Variants in OCA2 observed in about 807,000 individuals in gnomAD.
OCA2 encodes P protein.
Under a neutral mutation model 100.2 loss-of-function variants are expected in OCA2, and 77 were observed. The ratio of observed to expected loss-of-function variants is 0.77; its 90% CI spans 0.64 to 0.93. The LOEUF (loss-of-function observed/expected upper bound fraction) is 0.93, where lower values mean the gene tolerates loss of function less well. OCA2 is among the 40% of genes least tolerant of loss of function. OCA2 has a pLI of 0.00. For synonymous variants in OCA2, 432 were observed against 439.2 expected (o/e 0.98, Z 0.21); for missense variants, 1,062 against 1,089.1 (o/e 0.98, Z 0.35).
intron 9 of OCA2, among the ~76,000 whole-genome samples, chr15:28,005,345 A>C (rs1208828451): frequency 1.3e-5 from 2 of 152,198 alleles, no homozygotes; most frequent in African/African-American, 4.8e-5. Flanking sequence ...CCATTGGCAA[A>C]ACCGGAGCAC....
chr15:27,740,442 A>G, the OCA2 span, among the ~76,000 whole-genome samples: 1 of 152,152 alleles, frequency 6.6e-6, no homozygotes, highest in East Asian at 1.9e-4. Context: ...GAAGGACATC[A>G]AAGCCTTCCT....
Position 28,082,569 on chromosome 15 carries a change from T to C in OCA2, c.-21-674A>G, listed in dbSNP as rs1042997887. Among the ~76,000 whole-genome samples the C allele has an allele frequency of 4.6e-5, 7 of 152,320 alleles. 1 individual carries two copies. The highest frequency in any genetic ancestry group is 1.7e-4 in the African/African-American group (7 of 41,576). ...CACAGCATGAAATTCTGTGCTACAT[T>C]TAAAATGATCTAAGAGATGGTTCTT... is the stretch of plus-strand genomic sequence containing the variant. On this transcript the variant is annotated intron_variant, in intron 1 of 23. Transcript: ENST00000354638.
At chr15:27,937,110 G>T (rs1000299672) in intron 18 of OCA2, among the ~76,000 whole-genome samples, 2 of 152,134 alleles carry the variant, frequency 1.3e-5, no homozygotes, top group African/African-American at 4.8e-5. Context: ...TGCCAGTCAG[G>T]CTCTGCCCTT....
chr15:27,972,820 GTTATTTTATTTTATTTTATTTTATT>G (rs200881214), intron 14 of OCA2, among the ~76,000 whole-genome samples: 3,670 of 74,424 alleles, frequency 0.049, 197 homozygotes, highest in African/African-American at 0.087. Flanking sequence ...TACTTTGATG[GTTATTTTATTTTATTTTATTTTATT>G]TTATTTTATT....
intron 19 of OCA2, among the ~76,000 whole-genome samples, chr15:27,902,203 A>T (rs4778205): frequency 1.4e-5 from 1 of 73,238 alleles, no homozygotes; most frequent in Admixed American, 1.7e-4. Flanking sequence ...ATGAAAAAAA[A>T]GTTGTTGTTG....
At chr15:28,020,383 T>TC (rs2042556203) in intron 6 of OCA2, among the ~76,000 whole-genome samples, 1 of 152,080 alleles carries the variant, frequency 6.6e-6, no homozygotes, top group Non-Finnish European at 1.5e-5. Flanking sequence ...GTGCCAGTGT[T>TC]CCCCGAAATC....
At chr15:27,777,103 TG>T (rs2032281186) in intron 23 of OCA2, among the ~76,000 whole-genome samples, 1 of 152,060 alleles carries the variant, frequency 6.6e-6, no homozygotes. Context: ...TAGAGGTGCC[TG>T]GTGGGCTGAG....
chr15:27,724,523 G>T, the OCA2 span, among the ~76,000 whole-genome samples: 1 of 152,072 alleles, frequency 6.6e-6, no homozygotes, highest in African/African-American at 2.4e-5. Context: ...GAGGTCCTGG[G>T]GGTTAGGACT....
chr15:27,721,405 C>T, the OCA2 span, among the ~76,000 whole-genome samples: 282 of 152,232 alleles, frequency 1.9e-3, 1 homozygote, highest in Admixed American at 6.2e-3. Context: ...ACTTTTAATA[C>T]ATCACATTAT....
intron 15 of OCA2, among the ~76,000 whole-genome samples, chr15:27,965,937 T>C (rs1207010001): frequency 6.7e-6 from 1 of 150,166 alleles, no homozygotes; most frequent in Non-Finnish European, 1.5e-5. Flanking sequence ...TCCTGCTGGC[T>C]GGTGCTCAGC....
intron 3 of OCA2, among the ~76,000 whole-genome samples, chr15:28,031,793 A>G (rs2141377649): frequency 6.6e-6 from 1 of 152,294 alleles, no homozygotes; most frequent in South Asian, 2.1e-4. Context: ...GAGAAACCCC[A>G]GCCTGGTAAG....
the OCA2 span, among the ~76,000 whole-genome samples, chr15:27,734,285 G>GAAAAA: frequency 3.7e-5 from 1 of 26,986 alleles, no homozygotes; most frequent in Non-Finnish European, 9.4e-5. Context: ...CTTTTCAAGA[G>GAAAAA]CAAAAAAAAA....
the OCA2 span, among the ~76,000 whole-genome samples, chr15:27,732,801 A>G: frequency 6.6e-6 from 1 of 152,238 alleles, no homozygotes; most frequent in African/African-American, 2.4e-5. Flanking sequence ...TTAGTAAACT[A>G]AAAGCCCATT....
chr15:27,908,601 G>A (rs2038267245), intron 19 of OCA2, among the ~76,000 whole-genome samples: 1 of 152,154 alleles, frequency 6.6e-6, no homozygotes, highest in Admixed American at 6.5e-5. Flanking sequence ...CACACAGCCA[G>A]ATCATAAGGG....
At chr15:27,723,340 A>G in the OCA2 span, among the ~76,000 whole-genome samples, 1 of 152,146 alleles carries the variant, frequency 6.6e-6, no homozygotes, top group South Asian at 2.1e-4. Flanking sequence ...TGGCTAACAA[A>G]TGACGTGTGC....
At chr15:27,895,730 A>G in intron 19 of OCA2, 1 of 273,722 alleles carries the variant, frequency 3.7e-6, no homozygotes. Flanking sequence ...TGTTAAGAAT[A>G]AAGCCTACTT....
chr15:27,954,444 T>G (rs1430639760), intron 17 of OCA2, among the ~76,000 whole-genome samples: 1 of 152,154 alleles, frequency 6.6e-6, no homozygotes, highest in Admixed American at 6.5e-5. Context: ...CCAACATCTT[T>G]ATGGAAAATA....
intron 19 of OCA2, 67 bp from the exon 20 acceptor site, chr15:27,871,989 AGTCTTG>A: frequency 8.1e-7 from 1 of 1,234,556 alleles, no homozygotes; most frequent in Non-Finnish European, 1.2e-6. Flanking sequence ...TTAAAAAAAA[AGTCTTG>A]AAAATGAAAA....
At chr15:27,880,345 G>A (rs932684752) in intron 19 of OCA2, among the ~76,000 whole-genome samples, 1 of 152,136 alleles carries the variant, frequency 6.6e-6, no homozygotes, top group Non-Finnish European at 1.5e-5. Context: ...ACTCGTTTTT[G>A]ATTCCATTTT....
Sources: allele counts gnomAD v4.1 joint callset (sites outside exome capture counted in the v4.1 genomes callset), GRCh38; gene constraint gnomAD v4.1.1; transcripts MANE v1.5; gene names NCBI Gene and HGNC (gene_info 2026-07-23, HGNC 2026-07-21).